Variants in GRM8 observed in about 807,000 individuals in gnomAD.
GRM8 encodes glutamate metabotropic receptor 8.
In GRM8, 47 loss-of-function variants were observed where a neutral mutation model predicts 87.2. The ratio of observed to expected loss-of-function variants is 0.54; its 90% confidence interval spans 0.43 to 0.69. GRM8 has a LOEUF of 0.69. GRM8 is among the 30% of genes least tolerant of loss of function. GRM8 has a pLI of 0.00. For synonymous variants in GRM8, 396 were observed against 404.5 expected (o/e 0.98, Z 0.25); for missense variants, 1,019 against 1,139.2 (o/e 0.89, Z 1.52).
intron 7 of GRM8, among the ~76,000 whole-genome samples, chr7:126,765,136 G>A (rs774174630): frequency 1.3e-5 from 2 of 151,854 alleles, no homozygotes; most frequent in Non-Finnish European, 2.9e-5. Context: ...AAAAAAGTTA[G>A]TTTTAACAAG....
chr7:126,803,535 T>C (rs189387785), intron 6 of GRM8, among the ~76,000 whole-genome samples: 1 of 152,304 alleles, frequency 6.6e-6, no homozygotes, highest in East Asian at 1.9e-4. Context: ...AGCTGTCTTA[T>C]TATCAATGTT....
chr7:126,646,029 A>G (rs1803004478), intron 7 of GRM8, among the ~76,000 whole-genome samples: 1 of 152,126 alleles, frequency 6.6e-6, no homozygotes, highest in Admixed American at 6.6e-5. Context: ...TGAAGTAGAG[A>G]GAAAGTGTTA....
chr7:126,605,513 T>C (rs1798261413), intron 8 of GRM8, among the ~76,000 whole-genome samples: 1 of 152,194 alleles, frequency 6.6e-6, no homozygotes, highest in African/African-American at 2.4e-5. Flanking sequence ...AATCTACTTA[T>C]TTAAAAAATT....
intron 8 of GRM8, among the ~76,000 whole-genome samples, chr7:126,536,526 T>C (rs2150874982): frequency 6.6e-6 from 1 of 152,306 alleles, no homozygotes; most frequent in African/African-American, 2.4e-5. Flanking sequence ...ATGTAATCTA[T>C]TATAACCCTC....
intron 2 of GRM8, among the ~76,000 whole-genome samples, chr7:127,235,633 A>G (rs1381373852): frequency 6.6e-6 from 1 of 152,252 alleles, no homozygotes; most frequent in Admixed American, 6.5e-5. Flanking sequence ...CCAAGCAATT[A>G]TTAAAAAAAT....
chr7:126,731,011 T>C (rs1210783273), intron 7 of GRM8, among the ~76,000 whole-genome samples: 1 of 152,252 alleles, frequency 6.6e-6, no homozygotes, highest in East Asian at 1.9e-4. Context: ...TAACAAATTA[T>C]ACATGTTTTA....
chr7:126,964,086 A>C (rs1268308738), intron 3 of GRM8, among the ~76,000 whole-genome samples: 1 of 152,232 alleles, frequency 6.6e-6, no homozygotes, highest in Admixed American at 6.5e-5. Context: ...TATTTAATAA[A>C]TGGTGCTGGG....
intron 3 of GRM8, among the ~76,000 whole-genome samples, chr7:126,985,122 A>T (rs1314770518): frequency 6.6e-6 from 1 of 152,210 alleles, no homozygotes; most frequent in African/African-American, 2.4e-5. Context: ...AAGAAGCACA[A>T]GCAAACAATT....
intron 2 of GRM8, among the ~76,000 whole-genome samples, chr7:127,173,804 G>A (rs574060782): frequency 3.9e-5 from 6 of 152,192 alleles, no homozygotes; most frequent in Non-Finnish European, 8.8e-5. Flanking sequence ...CGTCCTAAAG[G>A]CGCACACCTG....
rs532011908 is a variant in GRM8, at chr7:126,921,627, A to T, written c.728-16944T>A. 9.2e-5 allele frequency among the ~76,000 whole-genome samples: 14 copies of T among 152,312 alleles called. No homozygotes were observed. The East Asian group carries it at 2.7e-3, about 29-fold the overall frequency. ...GGCTCAGAATGGTTTCAGGATTTTC[A>T]CAGCAATAATGTGAAGTCAGAAGAA... On this transcript the variant is annotated intron_variant, in intron 3 of 10. Coordinates refer to ENST00000339582, the MANE Select transcript of GRM8 (RefSeq NM_000845.3).
At chr7:127,200,958 A>G (rs1194421799) in intron 2 of GRM8, among the ~76,000 whole-genome samples, 2 of 152,232 alleles carry the variant, frequency 1.3e-5, no homozygotes, top group Non-Finnish European at 2.9e-5. Flanking sequence ...AAGGGAGTCA[A>G]ATTAATTTAA....
chr7:126,679,928 G>A (rs1051772359), intron 7 of GRM8, among the ~76,000 whole-genome samples: 1 of 152,110 alleles, frequency 6.6e-6, no homozygotes, highest in Non-Finnish European at 1.5e-5. Context: ...CTACCCAGGA[G>A]GCTGAGGCAG....
chr7:126,579,112 A>G (rs1297314718), intron 8 of GRM8, among the ~76,000 whole-genome samples: 1 of 152,220 alleles, frequency 6.6e-6, no homozygotes, highest in African/African-American at 2.4e-5. Flanking sequence ...ATAAAAGAAA[A>G]AGAAAGACAC....
intron 2 of GRM8, among the ~76,000 whole-genome samples, chr7:127,208,041 C>T (rs1033172426): frequency 1.3e-5 from 2 of 152,268 alleles, no homozygotes; most frequent in East Asian, 3.9e-4. Flanking sequence ...CAAGCCATAC[C>T]CACATTTTTT....
intron 9 of GRM8, among the ~76,000 whole-genome samples, chr7:126,479,303 A>G (rs925733259): frequency 3.3e-5 from 5 of 152,092 alleles, no homozygotes; most frequent in African/African-American, 9.7e-5. Flanking sequence ...TAGTATATTC[A>G]CAGAGCTTTG....
At chr7:126,614,203 A>T (rs1395216542) in intron 7 of GRM8, among the ~76,000 whole-genome samples, 2 of 152,152 alleles carry the variant, frequency 1.3e-5, no homozygotes, top group Non-Finnish European at 2.9e-5. Context: ...GTCAGGCAGC[A>T]TCGTTTGCTG....
At chr7:127,165,571 C>A (rs1388910628) in intron 2 of GRM8, among the ~76,000 whole-genome samples, 1 of 152,004 alleles carries the variant, frequency 6.6e-6, no homozygotes, top group Non-Finnish European at 1.5e-5. Flanking sequence ...TAATACTGAC[C>A]TAATTTTTCA....
chr7:126,737,532 C>T (rs182737966), intron 7 of GRM8, among the ~76,000 whole-genome samples: 9 of 151,964 alleles, frequency 5.9e-5, no homozygotes, highest in Non-Finnish European at 1.0e-4. Context: ...GTAATTCCCC[C>T]GTCTTGATAA....
At chr7:126,653,975 A>G (rs544168812) in intron 7 of GRM8, among the ~76,000 whole-genome samples, 1 of 152,362 alleles carries the variant, frequency 6.6e-6, no homozygotes, top group South Asian at 2.1e-4. Flanking sequence ...GCTGGATTTG[A>G]AAGTCACAAA....
Sources: gnomAD v4.1 joint callset for allele counts (sites outside exome capture counted in the v4.1 genomes callset) on GRCh38, gnomAD v4.1.1 for gene constraint, MANE v1.5 for transcripts, NCBI Gene and HGNC (gene_info 2026-07-23, HGNC 2026-07-21) for gene names.